PLXDC1: variants seen among roughly 807,000 people sequenced by gnomAD.
PLXDC1 encodes plexin domain-containing protein 1.
In PLXDC1, 39 loss-of-function variants were observed where a neutral mutation model predicts 61.3. The ratio of observed to expected loss-of-function variants is 0.64; its 90% CI spans 0.49 to 0.83. PLXDC1 has a LOEUF of 0.83. Ranked by LOEUF, PLXDC1 falls within the 40% of genes least tolerant of loss-of-function variation. PLXDC1 has a pLI of 0.00. For missense variants in PLXDC1, 596 were observed against 666.5 expected, an observed-to-expected ratio of 0.89 and a Z score of 1.17; for synonymous variants, 212 against 254.5, an observed-to-expected ratio of 0.83 and a Z score of 1.59.
At chr17:39,108,279 A>G in intron 4 of PLXDC1, 34 bp from the exon 5 acceptor site, 12 of 1,612,372 alleles carry the variant, frequency 7.4e-6, no homozygotes, top group Non-Finnish European at 9.3e-6. Flanking sequence ...AGTCACCAGA[A>G]ATGGCCCAGA....
At chr17:39,126,737 G>A (rs1316372358) in intron 2 of PLXDC1, among the ~76,000 whole-genome samples, 2 of 152,160 alleles carry the variant, frequency 1.3e-5, no homozygotes, top group Admixed American at 6.5e-5. Context: ...AACCTAAAGT[G>A]CACATCTTTG....
In PLXDC1 at chr17:39,107,518, G is replaced by C; in HGVS notation, c.600C>G (p.Val200=). The stretch of plus-strand genomic sequence containing the variant: ...AAACGTGGTCCCACTGAACCACAAA[G>C]ACTGTCCCTGGGGAGAAGAACAGAG... ...STVVYFDNGT[V]FVVQWDHVYL... The change falls in exon 6 of 14, where the codon GTC becomes GTG. Residue 200 remains valine, a synonymous_variant. Transcript: ENST00000315392. 3.7e-6 allele frequency: 6 copies of C among 1,610,372 alleles called. No individual in the cohort carries two copies. The highest frequency in any genetic ancestry group is 4.2e-6 in the Non-Finnish European group (5 of 1,176,548).
chr17:39,148,711 AG>A (rs1379383921), intron 1 of PLXDC1, among the ~76,000 whole-genome samples: 1 of 152,076 alleles, frequency 6.6e-6, no homozygotes, highest in Non-Finnish European at 1.5e-5. Flanking sequence ...CTGGGATTAC[AG>A]GCATGAGCCA....
At chr17:39,072,209 A>C in intron 12 of PLXDC1, 1 of 557,088 alleles carries the variant, frequency 1.8e-6, no homozygotes, top group Non-Finnish European at 3.2e-6. Context: ...CAGGAGAAGA[A>C]CCACAGGAGG....
At chr17:39,130,139 G>T (rs1911511232) in intron 2 of PLXDC1, among the ~76,000 whole-genome samples, 3 of 152,100 alleles carry the variant, frequency 2.0e-5, no homozygotes, top group Non-Finnish European at 4.4e-5. Context: ...AATGGGTAAA[G>T]GGTTTTCTTT....
intron 12 of PLXDC1, among the ~76,000 whole-genome samples, chr17:39,071,810 G>GGTCT (rs1909130068): frequency 6.6e-6 from 1 of 152,152 alleles, no homozygotes; most frequent in Admixed American, 6.5e-5. Flanking sequence ...CCTGCTGGAA[G>GGTCT]CCCTGATGAC....
intron 7 of PLXDC1, among the ~76,000 whole-genome samples, chr17:39,097,751 A>G (rs1330668539): frequency 6.7e-6 from 1 of 149,706 alleles, no homozygotes; most frequent in Non-Finnish European, 1.5e-5. Context: ...TAAATAAATA[A>G]ATAAGCTGGG....
intron 2 of PLXDC1, among the ~76,000 whole-genome samples, chr17:39,138,272 G>A (rs1911818719): frequency 6.6e-6 from 1 of 152,178 alleles, no homozygotes; most frequent in Non-Finnish European, 1.5e-5. Context: ...GGGACGTGTA[G>A]GAAAATGTAG....
chr17:39,130,722 G>A (rs810409), intron 2 of PLXDC1, among the ~76,000 whole-genome samples: 9,185 of 151,786 alleles, frequency 0.061, 367 homozygotes, highest in East Asian at 0.11. Flanking sequence ...CACCACGCCC[G>A]GCTAATTTTG....
intron 2 of PLXDC1, among the ~76,000 whole-genome samples, chr17:39,111,141 AC>A (rs1910786240): frequency 6.6e-6 from 1 of 150,806 alleles, no homozygotes; most frequent in Admixed American, 6.6e-5. Flanking sequence ...TTGTGTGCCC[AC>A]CCCCCAGACC....
chr17:39,083,601 C>T, intron 8 of PLXDC1, 61 bp from the exon 9 acceptor site: 2 of 1,266,356 alleles, frequency 1.6e-6, no homozygotes, highest in Non-Finnish European at 1.1e-6. Flanking sequence ...CCAAAGGGTG[C>T]AACTCTGAAT....
rs553513409 is a variant in PLXDC1 at position 39,102,705 on chromosome 17, T to TACACACACACAC, written c.811+3137_811+3148dup. Among the ~76,000 whole-genome samples, 156 of 136,140 alleles carry TACACACACACAC rather than the reference T, an allele frequency of 1.1e-3. 1 individual carries two copies. Among genetic ancestry groups the TACACACACACAC allele is most frequent in the African/African-American group, 4.1e-3 (145 of 35,298 alleles). The allele number at this position is 136,140 out of a possible 152,430, so 89.3% of individuals were successfully genotyped here. The stretch of plus-strand genomic sequence containing the variant: ...AACACTGACATCGTATGCTATCAAA[T>TACACACACACAC]ACACACACACACACACACACACACA... On this transcript the variant is annotated intron_variant, in intron 7 of 13. Coordinates refer to ENST00000315392, the MANE Select transcript of PLXDC1 (RefSeq NM_020405.5).
intron 2 of PLXDC1, among the ~76,000 whole-genome samples, chr17:39,125,951 T>C (rs959751324): frequency 6.6e-6 from 1 of 152,122 alleles, no homozygotes; most frequent in Non-Finnish European, 1.5e-5. Flanking sequence ...AAGCAATGCT[T>C]CTCAAACATG....
intron 10 of PLXDC1, among the ~76,000 whole-genome samples, chr17:39,078,571 TC>T (rs746725463): frequency 1.3e-5 from 2 of 152,194 alleles, no homozygotes; most frequent in Admixed American, 6.5e-5. Context: ...AATAGACCCA[TC>T]TATGTTAGTC....
At chr17:39,079,019 A>G (rs941327653) in intron 10 of PLXDC1, 85 bp downstream of exon 10, 8 of 1,066,048 alleles carry the variant, frequency 7.5e-6, no homozygotes, top group Non-Finnish European at 1.2e-5. Context: ...CCTTGAGAAG[A>G]GTTTCCAGGG....
chr17:39,143,786 C>A (rs1196230138), intron 1 of PLXDC1, among the ~76,000 whole-genome samples: 1 of 152,260 alleles, frequency 6.6e-6, no homozygotes, highest in Non-Finnish European at 1.5e-5. Context: ...TCCCCAGACC[C>A]CTTCCCCAAG....
intron 2 of PLXDC1, among the ~76,000 whole-genome samples, chr17:39,138,555 G>T (rs1031716127): frequency 6.6e-6 from 1 of 152,034 alleles, no homozygotes; most frequent in Non-Finnish European, 1.5e-5. Context: ...TAAAACCAGT[G>T]CACAGAGAGG....
intron 1 of PLXDC1, among the ~76,000 whole-genome samples, chr17:39,142,549 C>G (rs1911968624): frequency 6.6e-6 from 1 of 152,174 alleles, no homozygotes; most frequent in Non-Finnish European, 1.5e-5. Flanking sequence ...GAGACAGGGT[C>G]TCACTCTAGC....
At chr17:39,090,887 GTC>G (rs66505513) in intron 7 of PLXDC1, among the ~76,000 whole-genome samples, 78,806 of 148,846 alleles carry the variant, frequency 0.53, 22,666 homozygotes, top group South Asian at 0.65. Flanking sequence ...TTCTCCCTCT[GTC>G]TCTCTCTCTC....
Sources: allele counts gnomAD v4.1 joint callset (sites outside exome capture counted in the v4.1 genomes callset), GRCh38; gene constraint gnomAD v4.1.1; transcripts MANE v1.5; gene names NCBI Gene and HGNC (gene_info 2026-07-23, HGNC 2026-07-21).